The following NKAIN3 variants were observed in gnomAD, a reference collection of about 807,000 sequenced individuals.
NKAIN3 encodes the protein sodium/potassium transporting ATPase interacting 3.
In NKAIN3, 25 loss-of-function variants were observed where a neutral mutation model predicts 30.2. The observed-to-expected ratio is 0.83, with a 90% confidence interval of 0.60 to 1.16. The LOEUF (loss-of-function observed/expected upper bound fraction) is 1.16. NKAIN3 is among the 50% of genes most tolerant of loss of function. The pLI, the probability that NKAIN3 is intolerant of heterozygous loss-of-function variation, is 0.00. For synonymous variants in NKAIN3, 91 were observed against 89.6 expected (o/e 1.02, Z -0.09); for missense variants, 225 against 254.1 (o/e 0.89, Z 0.78).
chr8:62,665,661 A>G lies in NKAIN3; in HGVS notation c.273+75867A>G, dbSNP rs184416509. 2.8e-3 allele frequency among the ~76,000 whole-genome samples: 428 copies of G among 152,314 alleles called. 8 individuals are homozygous for G. Among genetic ancestry groups the G allele is most frequent in the Admixed American group, 0.026 (401 of 15,294 alleles). On this transcript the variant is annotated intron_variant, in intron 3 of 6. Transcript: ENST00000623646. ...GGTGTATTTATGAAGTTCATAGATCATTCTTCATATAGCCTTCCCAGTATA... is the reference window on the plus strand; with the variant it reads ...GGTGTATTTATGAAGTTCATAGATCGTTCTTCATATAGCCTTCCCAGTATA...
intron 3 of NKAIN3, among the ~76,000 whole-genome samples, chr8:62,656,506 A>C (rs1428317476): frequency 1.3e-5 from 2 of 152,122 alleles, no homozygotes; most frequent in Non-Finnish European, 2.9e-5. Context: ...AAAAAAAGGA[A>C]GGTAGGTCCA....
chr8:62,609,572 G>A (rs909721985), intron 3 of NKAIN3, among the ~76,000 whole-genome samples: 6 of 152,196 alleles, frequency 3.9e-5, no homozygotes, highest in Admixed American at 3.3e-4. Context: ...CTCTCAAAGA[G>A]CTTTTATTCT....
chr8:62,362,075 T>C (rs139426695), intron 1 of NKAIN3, among the ~76,000 whole-genome samples: 52 of 152,316 alleles, frequency 3.4e-4, no homozygotes, highest in Middle Eastern at 3.4e-3. Flanking sequence ...ACCCATATTG[T>C]TCTCGATGTT....
At chr8:62,607,015 G>A (rs1811151448) in intron 3 of NKAIN3, among the ~76,000 whole-genome samples, 1 of 152,146 alleles carries the variant, frequency 6.6e-6, no homozygotes, top group African/African-American at 2.4e-5. Flanking sequence ...ATCAATGACT[G>A]TCAGAAGAGC....
At chr8:62,426,279 G>A (rs1051098271) in intron 1 of NKAIN3, among the ~76,000 whole-genome samples, 2 of 151,760 alleles carry the variant, frequency 1.3e-5, no homozygotes, top group African/African-American at 4.8e-5. Context: ...TTTGACAATG[G>A]GTATTTTAAA....
intron 1 of NKAIN3, among the ~76,000 whole-genome samples, chr8:62,337,749 G>A (rs769233801): frequency 9.2e-5 from 14 of 151,858 alleles, no homozygotes; most frequent in Non-Finnish European, 2.1e-4. Flanking sequence ...GTAAGTCTCG[G>A]CAATGTACTT....
chr8:62,605,196 C>T (rs897833948), intron 3 of NKAIN3, among the ~76,000 whole-genome samples: 1 of 152,156 alleles, frequency 6.6e-6, no homozygotes, highest in African/African-American at 2.4e-5. Context: ...AATGACACCT[C>T]AAAATCGAGG....
At chr8:62,871,110 A>C (rs1174024215) in intron 4 of NKAIN3, among the ~76,000 whole-genome samples, 1 of 151,904 alleles carries the variant, frequency 6.6e-6, no homozygotes, top group African/African-American at 2.4e-5. Flanking sequence ...CAAGCTATTA[A>C]CACATCCAGG....
intron 4 of NKAIN3, among the ~76,000 whole-genome samples, chr8:62,892,210 G>T (rs1427944254): frequency 6.6e-6 from 1 of 151,920 alleles, no homozygotes; most frequent in Non-Finnish European, 1.5e-5. Flanking sequence ...TTCCAAATTA[G>T]AAAAAAATAA....
chr8:62,701,309 C>G (rs1325678843), intron 3 of NKAIN3, among the ~76,000 whole-genome samples: 1 of 152,170 alleles, frequency 6.6e-6, no homozygotes, highest in African/African-American at 2.4e-5. Flanking sequence ...ACATGACCAG[C>G]CATTTTTCAA....
At chr8:62,324,322 A>G (rs1352613184) in intron 1 of NKAIN3, among the ~76,000 whole-genome samples, 1 of 152,164 alleles carries the variant, frequency 6.6e-6, no homozygotes, top group Admixed American at 6.6e-5. Flanking sequence ...TTTATTAAAT[A>G]GGCTCTGCAG....
chr8:62,521,922 C>T (rs1207681662), intron 1 of NKAIN3, among the ~76,000 whole-genome samples: 3 of 152,126 alleles, frequency 2.0e-5, no homozygotes, highest in East Asian at 3.9e-4. Flanking sequence ...GCTTTTAAAA[C>T]GTTAGGAATG....
At position 62,268,784 on chromosome 8, in the gene NKAIN3, C is replaced by G. The variant is rs377097010; in HGVS notation, c.54+19657C>G. ...CAACCTAACACCATGAATGTCTATA[C>G]CCAGGTTCTCTCTACTGCTACAAAG... On this transcript the variant is annotated intron_variant, in intron 1 of 6. Coordinates refer to ENST00000623646, the MANE Select transcript of NKAIN3 (RefSeq NM_001304533.3). Among the ~76,000 whole-genome samples the G allele has an allele frequency of 6.6e-5, 10 of 152,176 alleles. No individual in the cohort carries two copies. The East Asian group carries it at 1.4e-3, about 21-fold the overall frequency.
chr8:62,963,059 T>A (rs183351982), intron 6 of NKAIN3, among the ~76,000 whole-genome samples: 1 of 152,184 alleles, frequency 6.6e-6, no homozygotes, highest in Non-Finnish European at 1.5e-5. Context: ...GCCTGGCTAA[T>A]TTTTGGTATT....
chr8:62,898,390 AG>A (rs1821502668), intron 4 of NKAIN3, among the ~76,000 whole-genome samples: 1 of 152,212 alleles, frequency 6.6e-6, no homozygotes, highest in African/African-American at 2.4e-5. Flanking sequence ...GCCACAAAAA[AG>A]AATGAAATAA....
At chr8:62,850,940 G>T (rs147735484) in intron 4 of NKAIN3, among the ~76,000 whole-genome samples, 3,017 of 152,006 alleles carry the variant, frequency 0.02, 93 homozygotes, top group African/African-American at 0.069. Flanking sequence ...GCTATGTGGG[G>T]TCTTTTTTGG....
At chr8:62,574,468 GT>G (rs1810045105) in intron 1 of NKAIN3, among the ~76,000 whole-genome samples, 1 of 151,928 alleles carries the variant, frequency 6.6e-6, no homozygotes, top group Admixed American at 6.6e-5. Context: ...ATTTTATTTA[GT>G]TTATTTTAAC....
chr8:62,692,324 A>G (rs1294324817), intron 3 of NKAIN3, among the ~76,000 whole-genome samples: 1 of 152,248 alleles, frequency 6.6e-6, no homozygotes, highest in African/African-American at 2.4e-5. Flanking sequence ...GATAAGTAGA[A>G]GCACAACTGG....
intron 3 of NKAIN3, among the ~76,000 whole-genome samples, chr8:62,720,603 A>C (rs1283890965): frequency 6.6e-6 from 1 of 152,216 alleles, no homozygotes; most frequent in Non-Finnish European, 1.5e-5. Context: ...CTTTCTGACT[A>C]AGCTAACAAT....
Sources: allele counts gnomAD v4.1 joint callset (sites outside exome capture counted in the v4.1 genomes callset), GRCh38; gene constraint gnomAD v4.1.1; transcripts MANE v1.5; gene names NCBI Gene and HGNC (gene_info 2026-07-23, HGNC 2026-07-21).